Variants in TPPP observed in about 807,000 individuals in gnomAD.
TPPP encodes tubulin polymerization promoting protein.
A neutral mutation model predicts 15.5 loss-of-function variants in TPPP; 6 were observed. That is an observed-to-expected ratio of 0.39 (90% CI 0.21 to 0.77). The LOEUF is 0.77. TPPP is among the 30% of genes least tolerant of loss of function. The probability of loss-of-function intolerance (pLI) is 0.42; values close to 1 mark genes in which losing one functional copy is unlikely to be tolerated. For missense variants in TPPP, 269 were observed against 307.2 expected (o/e 0.88, Z 0.93); for synonymous variants, 146 against 133.9 (o/e 1.09, Z -0.63).
At chr5:678,678 C>A (rs1263343276) in intron 1 of TPPP, among the ~76,000 whole-genome samples, 1 of 149,250 alleles carries the variant, frequency 6.7e-6, no homozygotes, top group Non-Finnish European at 1.5e-5. Flanking sequence ...TCCCAGGAGC[C>A]CTGGGCCTGG....
intron 1 of TPPP, among the ~76,000 whole-genome samples, chr5:688,286 G>C (rs1740813386): frequency 6.9e-6 from 1 of 144,392 alleles, no homozygotes; most frequent in Non-Finnish European, 1.6e-5. Flanking sequence ...ACATGCACCT[G>C]CTGACAGTAT....
At chr5:669,138 G>C (rs1015113581) in intron 2 of TPPP, among the ~76,000 whole-genome samples, 1 of 152,200 alleles carries the variant, frequency 6.6e-6, no homozygotes, top group Non-Finnish European at 1.5e-5. Flanking sequence ...CGGAGGCCTC[G>C]CTGTGTCCGG....
intron 2 of TPPP, chr5:676,221 C>T (rs769771807): frequency 6.6e-6 from 1 of 152,400 alleles, no homozygotes; most frequent in South Asian, 2.1e-4. Flanking sequence ...TCAGATGCGC[C>T]GTACACAACA....
At chr5:674,843 G>A (rs1033966620) in intron 2 of TPPP, among the ~76,000 whole-genome samples, 7 of 151,696 alleles carry the variant, frequency 4.6e-5, no homozygotes, top group African/African-American at 1.7e-4. Flanking sequence ...TGTGGATGAT[G>A]TGGGAGCTCC....
intron 2 of TPPP, among the ~76,000 whole-genome samples, chr5:667,583 A>G (rs1208236127): frequency 6.6e-6 from 1 of 151,782 alleles, no homozygotes; most frequent in Non-Finnish European, 1.5e-5. Flanking sequence ...AAAACGTTCG[A>G]AACTCTGCTC....
At chr5:688,432 C>T (rs1181853773) in intron 1 of TPPP, among the ~76,000 whole-genome samples, 1 of 150,800 alleles carries the variant, frequency 6.6e-6, no homozygotes, top group East Asian at 1.9e-4. Context: ...CAGCAGTGTG[C>T]CCACCACGTG....
rs528458616 is a variant in TPPP, at chr5:677,895, G to C, written c.166C>G (p.Arg56Gly). 8 of 1,612,814 alleles carry C rather than the reference G, an allele frequency of 5.0e-6. No homozygotes were observed. The highest frequency in any genetic ancestry group is 6.8e-6 in the Non-Finnish European group (8 of 1,179,888). The change falls in exon 2 of 4, where the codon CGG becomes GGG. Residue 56 changes from arginine (R) to glycine (G), a missense_variant. Transcript: ENST00000360578. ...PELSALEEAF[R>G]RFAVHGDARA... ...GCGTCCCCGTGCACGGCAAAGCGCC[G>C]GAAGGCCTCCTCCAGGGCACTGAGC...
Position 665,980 on chromosome 5 carries a change from G to A in TPPP, c.455C>T (p.Ser152Leu). 1 of 1,363,022 alleles carries A rather than the reference G, an allele frequency of 7.3e-7. No individual in the cohort carries two copies. The highest frequency in any genetic ancestry group is 9.7e-7 in the Non-Finnish European group (1 of 1,034,718). 84.4% of individuals were successfully genotyped at this position (1,363,022 alleles called of 1,614,324 possible). A position where few individuals can be genotyped will look rare whatever the true frequency, so the allele number is the denominator to read the frequency against. Reference protein sequence around the residue: ...RLIEGKAPIISGVTKAISSPT... With the variant: ...RLIEGKAPIILGVTKAISSPT... ...CCCCGCCCTGCTCACCGTCACCCCTGAGATGATGGGCGCCTTGCCCTCGAT... is the reference window on the plus strand; with the variant it reads ...CCCCGCCCTGCTCACCGTCACCCCTAAGATGATGGGCGCCTTGCCCTCGAT... The change falls in exon 3 of 4, where the codon TCA becomes TTA. Residue 152 changes from serine (S) to leucine (L), a missense_variant. Transcript: ENST00000360578.
intron 2 of TPPP, among the ~76,000 whole-genome samples, chr5:674,745 G>T (rs987475259): frequency 4.0e-5 from 6 of 151,806 alleles, no homozygotes; most frequent in Non-Finnish European, 7.4e-5. Context: ...GGGATGGCAG[G>T]CTGGTCTGTC....
intron 2 of TPPP, among the ~76,000 whole-genome samples, chr5:674,901 C>T (rs1346425739): frequency 6.6e-6 from 1 of 150,410 alleles, no homozygotes; most frequent in African/African-American, 2.5e-5. Context: ...ACAAGCAAGG[C>T]CTGTACTGCA....
At chr5:685,770 C>T (rs1740750064) in intron 1 of TPPP, among the ~76,000 whole-genome samples, 1 of 152,222 alleles carries the variant, frequency 6.6e-6, no homozygotes, top group Non-Finnish European at 1.5e-5. Context: ...CCACCAGAGC[C>T]CATCTGCACT....
chr5:678,785 C>T (rs921103528), intron 1 of TPPP, among the ~76,000 whole-genome samples: 3 of 152,204 alleles, frequency 2.0e-5, no homozygotes, highest in Admixed American at 6.5e-5. Context: ...CTTTGCAAGG[C>T]GCCCGCCCCC....
chr5:694,208 G>A (rs1387954160), upstream of TPPP, among the ~76,000 whole-genome samples: 3 of 151,754 alleles, frequency 2.0e-5, no homozygotes, highest in Non-Finnish European at 2.9e-5. Flanking sequence ...GGGGCTGCCC[G>A]GCCCTCCGCA....
chr5:696,353 G>A (rs550933335), upstream of TPPP, among the ~76,000 whole-genome samples: 25 of 136,648 alleles, frequency 1.8e-4, no homozygotes, highest in East Asian at 4.0e-4. Context: ...GGCCTCCGAG[G>A]CCAAGTGTGA....
chr5:683,908 C>T (rs368851023), intron 1 of TPPP, among the ~76,000 whole-genome samples: 2 of 152,338 alleles, frequency 1.3e-5, no homozygotes, highest in African/African-American at 2.4e-5. Flanking sequence ...GGTGTGCTGC[C>T]GCTGGGCTCT....
chr5:676,847 A>G (rs13159523), intron 2 of TPPP, among the ~76,000 whole-genome samples: 92,005 of 150,490 alleles, frequency 0.61, 30,147 homozygotes, highest in African/African-American at 0.88. Flanking sequence ...CACACACGAC[A>G]CAGAAACGCG....
intron 1 of TPPP, among the ~76,000 whole-genome samples, chr5:686,485 T>C (rs1740770460): frequency 6.6e-6 from 1 of 151,146 alleles, no homozygotes; most frequent in Admixed American, 6.6e-5. Context: ...GACCCTGCCC[T>C]GCCCCGCCCC....
intron 1 of TPPP, among the ~76,000 whole-genome samples, chr5:686,289 C>A (rs1436616474): frequency 6.6e-6 from 1 of 152,250 alleles, no homozygotes; most frequent in African/African-American, 2.4e-5. Flanking sequence ...TCTGTGGGGA[C>A]AGCAAGGACT....
At chr5:666,260 C>T in intron 2 of TPPP, 137 bp from the exon 3 acceptor site, 1 of 938,236 alleles carries the variant, frequency 1.1e-6, no homozygotes, top group East Asian at 2.6e-5. Context: ...GCCCTGGTAG[C>T]ACTGCAAATC....
Sources: allele counts gnomAD v4.1 joint callset (sites outside exome capture counted in the v4.1 genomes callset), GRCh38; gene constraint gnomAD v4.1.1; transcripts MANE v1.5; gene names NCBI Gene and HGNC (gene_info 2026-07-23, HGNC 2026-07-21).